Variants in RNF180 observed in about 807,000 individuals in gnomAD.
RNF180 encodes E3 ubiquitin-protein ligase RNF180.
RNF180 carries 38 observed loss-of-function variants against 59.2 expected under a neutral mutation model. The ratio of observed to expected loss-of-function variants is 0.64; its 90% CI spans 0.50 to 0.84. RNF180 has a LOEUF of 0.84. RNF180 is among the 40% of genes least tolerant of loss of function. RNF180 has a pLI of 0.00. For synonymous variants in RNF180, 262 were observed against 240.3 expected, an observed-to-expected ratio of 1.09 and a Z score of -0.84; for missense variants, 705 against 700.9, an observed-to-expected ratio of 1.01 and a Z score of -0.07.
intron 2 of RNF180, among the ~76,000 whole-genome samples, chr5:64,209,509 C>G (rs1193139130): frequency 6.6e-6 from 1 of 151,406 alleles, no homozygotes; most frequent in Non-Finnish European, 1.5e-5. Context: ...AAGTATGTCT[C>G]TACATGCTTT....
intron 1 of RNF180, among the ~76,000 whole-genome samples, chr5:64,176,256 A>G (rs1379666664): frequency 6.6e-6 from 1 of 152,054 alleles, no homozygotes; most frequent in Non-Finnish European, 1.5e-5. Context: ...TTTCCAATTT[A>G]TTGGCATATA....
chr5:64,267,732 G>A (rs903275965), intron 5 of RNF180, among the ~76,000 whole-genome samples: 3 of 152,122 alleles, frequency 2.0e-5, no homozygotes, highest in African/African-American at 7.2e-5. Flanking sequence ...TAAAACTCAT[G>A]ATATAGTAAT....
At chr5:64,347,445 T>G (rs1478240777) in intron 7 of RNF180, among the ~76,000 whole-genome samples, 1 of 152,134 alleles carries the variant, frequency 6.6e-6, no homozygotes, top group African/African-American at 2.4e-5. Context: ...CCAACTTCTT[T>G]CTTTTAGGGA....
rs1561265532 is a variant in RNF180, at chr5:64,330,328, A to G, written c.1501A>G (p.Ile501Val). The G allele has an allele frequency of 6.5e-7, 1 of 1,535,450 alleles. No individual in the cohort carries two copies. The highest frequency in any genetic ancestry group is 1.2e-5 in the South Asian group (1 of 81,768). The change falls in exon 7 of 8, where the codon ATA becomes GTA. Residue 501 changes from isoleucine (I) to valine (V), a missense_variant. By Grantham distance (29) the Ile-to-Val change is conservative (BLOSUM62 3). Transcript: ENST00000389100. ...KTFFTKEYLK[I>V]KQSFQKSNSA... ...TTTCTTTACTAAAGAATATTTGAAAATAAAACAAAGCTTTCAGAAATCCAA... is the reference window on the plus strand; with the variant it reads ...TTTCTTTACTAAAGAATATTTGAAAGTAAAACAAAGCTTTCAGAAATCCAA...
intron 1 of RNF180, among the ~76,000 whole-genome samples, chr5:64,192,903 G>GTATA (rs70983610): frequency 0.11 from 10,178 of 92,694 alleles, 826 homozygotes; most frequent in East Asian, 0.24. Flanking sequence ...AGTGTGGCAT[G>GTATA]TATATATATA....
In RNF180 at chr5:64,340,938, CTTCCCTCTCCCTTTACCTACTCT is replaced by C. The variant is rs1745332983; in HGVS notation, c.1579+10541_1579+10563del. On this transcript the variant is annotated intron_variant, in intron 7 of 7. Transcript: ENST00000389100. ...TCCTCCCTCCCTCTTCCTTTACCTC[CTTCCCTCTCCCTTTACCTACTCT>C]TTCCCTCTGACTCTTCCTTTTGCAC... Among the ~76,000 whole-genome samples, 2 of 152,022 alleles carry C rather than the reference CTTCCCTCTCCCTTTACCTACTCT, an allele frequency of 1.3e-5. 1 individual carries two copies. The highest frequency in any genetic ancestry group is 4.8e-5 in the African/African-American group (2 of 41,402).
In RNF180 at chr5:64,273,053, G is replaced by C. The variant is rs905184523; in HGVS notation, c.1228-52133G>C. Among the ~76,000 whole-genome samples the C allele has an allele frequency of 2.0e-5, 3 of 151,892 alleles. No individual in the cohort carries two copies. In the South Asian group the frequency reaches 6.2e-4, roughly 31 times the overall value. On this transcript the variant is annotated intron_variant, in intron 5 of 7. Coordinates refer to ENST00000389100, the MANE Select transcript of RNF180 (RefSeq NM_001113561.2). ...TCCATTGCCTAGGGTAAAGAAGCCA[G>C]CCAAAACCCACCAAAACCAAGATGG...
At chr5:64,275,089 C>T (rs1399085039) in intron 5 of RNF180, among the ~76,000 whole-genome samples, 1 of 151,626 alleles carries the variant, frequency 6.6e-6, no homozygotes, top group Admixed American at 6.6e-5. Context: ...ATTACAAATT[C>T]TTTTGACACA....
intron 7 of RNF180, among the ~76,000 whole-genome samples, chr5:64,347,038 T>C (rs1745586429): frequency 6.6e-6 from 1 of 152,218 alleles, no homozygotes; most frequent in South Asian, 2.1e-4. Flanking sequence ...TATACCGAAA[T>C]AAAGTTAACT....
intron 5 of RNF180, among the ~76,000 whole-genome samples, chr5:64,295,350 C>G (rs1742826937): frequency 6.6e-6 from 1 of 152,126 alleles, no homozygotes; most frequent in Non-Finnish European, 1.5e-5. Flanking sequence ...GCAATGAGAC[C>G]TAGTTGGTTC....
intron 7 of RNF180, among the ~76,000 whole-genome samples, chr5:64,341,596 G>A (rs1277444237): frequency 6.6e-6 from 1 of 152,134 alleles, no homozygotes; most frequent in Non-Finnish European, 1.5e-5. Flanking sequence ...TGAAGATTGA[G>A]TATGTAGGCC....
At chr5:64,363,687 A>G (rs1490109367) in intron 7 of RNF180, among the ~76,000 whole-genome samples, 4 of 151,828 alleles carry the variant, frequency 2.6e-5, no homozygotes, top group Non-Finnish European at 5.9e-5. Flanking sequence ...CAGTATGGCA[A>G]TTTTAATGAT....
intron 7 of RNF180, among the ~76,000 whole-genome samples, chr5:64,352,222 T>C (rs1309154258): frequency 6.6e-6 from 1 of 152,116 alleles, no homozygotes; most frequent in African/African-American, 2.4e-5. Flanking sequence ...GATGGTAGTT[T>C]GTATTTCTGT....
intron 5 of RNF180, among the ~76,000 whole-genome samples, chr5:64,287,614 C>A (rs939933689): frequency 1.3e-5 from 2 of 152,150 alleles, no homozygotes; most frequent in African/African-American, 4.8e-5. Flanking sequence ...TTAATAATTG[C>A]CATTCTGACT....
chr5:64,355,779 A>T (rs1488419194), intron 7 of RNF180, among the ~76,000 whole-genome samples: 1 of 151,958 alleles, frequency 6.6e-6, no homozygotes, highest in Non-Finnish European at 1.5e-5. Context: ...CTACTAATGA[A>T]GTCCATTCAT....
Position 64,214,341 on chromosome 5 carries a change from G to A in RNF180, c.1015G>A (p.Gly339Ser). Reference protein sequence around the residue: ...LTFLMDLPSAGRSMPEASDQE... With the variant: ...LTFLMDLPSASRSMPEASDQE... ...TTTCCTGATGGACCTGCCCTCAGCT[G>A]GCAGGAGCATGCCGGAGGCCTCAGA... Residue 339 changes from glycine to serine, a missense_variant, in exon 4 of 8, where the codon GGC becomes AGC. Coordinates refer to ENST00000389100, the MANE Select transcript of RNF180 (RefSeq NM_001113561.2). 1 of 1,613,988 alleles carries A rather than the reference G, an allele frequency of 6.2e-7. No individual in the cohort carries two copies. The highest frequency in any genetic ancestry group is 8.5e-7 in the Non-Finnish European group (1 of 1,179,960).
intron 5 of RNF180, among the ~76,000 whole-genome samples, chr5:64,324,230 G>A (rs997500687): frequency 1.3e-5 from 2 of 152,140 alleles, no homozygotes; most frequent in African/African-American, 4.8e-5. Context: ...GATAATTACT[G>A]GAGCTTCTCC....
intron 5 of RNF180, among the ~76,000 whole-genome samples, chr5:64,228,992 G>A (rs1561204328): frequency 1.4e-5 from 2 of 147,176 alleles, no homozygotes; most frequent in Non-Finnish European, 3.0e-5. Flanking sequence ...CGTGATCTCG[G>A]CTCACTGCAA....
intron 4 of RNF180, among the ~76,000 whole-genome samples, chr5:64,215,350 G>T (rs1752561033): frequency 6.6e-6 from 1 of 152,014 alleles, no homozygotes; most frequent in Non-Finnish European, 1.5e-5. Context: ...ACAGAAAGCT[G>T]CAACTTGATA....
Sources: allele counts gnomAD v4.1 joint callset (sites outside exome capture counted in the v4.1 genomes callset), GRCh38; gene constraint gnomAD v4.1.1; transcripts MANE v1.5; gene names NCBI Gene and HGNC (gene_info 2026-07-23, HGNC 2026-07-21).